Variants in CDH13 observed in about 807,000 individuals in gnomAD.
The protein encoded by CDH13 is cadherin-13.
In CDH13, 24 loss-of-function variants were observed where a neutral mutation model predicts 63.8. The ratio of observed to expected loss-of-function variants is 0.38; its 90% CI spans 0.27 to 0.53. The LOEUF is 0.53. CDH13 is among the 20% of genes least tolerant of loss of function. The probability of loss-of-function intolerance (pLI) is 0.85; values close to 1 mark genes in which losing one functional copy is unlikely to be tolerated. For missense variants in CDH13, 1,049 were observed against 903.1 expected (o/e 1.16, Z -2.07); for synonymous variants, 503 against 355.3 (o/e 1.42, Z -4.67).
At chr16:82,765,110 C>T (rs565385878) in intron 1 of CDH13, among the ~76,000 whole-genome samples, 1 of 152,320 alleles carries the variant, frequency 6.6e-6, no homozygotes, top group Admixed American at 6.5e-5. Flanking sequence ...TTAAATCATT[C>T]ATTTCTTTGT....
intron 3 of CDH13, among the ~76,000 whole-genome samples, chr16:83,074,682 T>C (rs1432806906): frequency 6.6e-6 from 1 of 152,234 alleles, no homozygotes; most frequent in Non-Finnish European, 1.5e-5. Flanking sequence ...AATGACTGAT[T>C]TCTATGAACA....
chr16:83,600,641 G>T (rs1213390795), intron 7 of CDH13, among the ~76,000 whole-genome samples: 1 of 152,086 alleles, frequency 6.6e-6, no homozygotes, highest in African/African-American at 2.4e-5. Context: ...AGCTGTTTTT[G>T]AAGCTGTCAT....
At chr16:82,974,119 A>G (rs533634016) in intron 2 of CDH13, among the ~76,000 whole-genome samples, 34 of 152,216 alleles carry the variant, frequency 2.2e-4, no homozygotes, top group African/African-American at 7.9e-4. Context: ...TTGTATTTTC[A>G]GTAGAGACAG....
chr16:83,711,108 G>A (rs112131484), intron 10 of CDH13, among the ~76,000 whole-genome samples: 1,597 of 152,262 alleles, frequency 0.01, 33 homozygotes, highest in African/African-American at 0.037. Context: ...AGTAGCCTGC[G>A]TGGACAACTA....
chr16:83,309,809 AT>A (rs60865903), intron 5 of CDH13, among the ~76,000 whole-genome samples: 3,623 of 144,336 alleles, frequency 0.025, 43 homozygotes, highest in Admixed American at 0.045. Flanking sequence ...CTCCCATGGG[AT>A]TTTTTTTTTT....
chr16:83,360,396 G>A (rs901907605), intron 6 of CDH13, among the ~76,000 whole-genome samples: 4 of 152,084 alleles, frequency 2.6e-5, no homozygotes, highest in African/African-American at 9.7e-5. Context: ...AAGAAATAGA[G>A]CCTTCTACAA....
chr16:83,355,991 G>A (rs1249264110), intron 6 of CDH13, among the ~76,000 whole-genome samples: 1 of 152,160 alleles, frequency 6.6e-6, no homozygotes. Flanking sequence ...GGGAGGTTAG[G>A]TGACTCCGCC....
chr16:83,174,513 C>G (rs927205257), intron 4 of CDH13, among the ~76,000 whole-genome samples: 5 of 151,974 alleles, frequency 3.3e-5, no homozygotes, highest in African/African-American at 4.8e-5. Flanking sequence ...CACTTCATGA[C>G]CATAAAGAGG....
At chr16:82,761,438 C>T (rs995480431) in intron 1 of CDH13, among the ~76,000 whole-genome samples, 1 of 152,194 alleles carries the variant, frequency 6.6e-6, no homozygotes, top group Non-Finnish European at 1.5e-5. Flanking sequence ...TGTGGGGCAG[C>T]CAGCCAACTT....
rs573009018 is a variant in CDH13 at position 83,139,694 on chromosome 16, A to G, written c.483+14193A>G. Among the ~76,000 whole-genome samples the G allele has an allele frequency of 3.1e-4, 47 of 152,280 alleles. 1 individual carries two copies. In the Middle Eastern group the frequency reaches 0.01, roughly 33 times the overall value. ...GTAGAAATTTTAGAGAAAAATACAC[A>G]TTGAAAAATAATAATATAAAAATAT... On this transcript the variant is annotated intron_variant, in intron 4 of 13. Coordinates refer to ENST00000567109, the MANE Select transcript of CDH13 (RefSeq NM_001257.5).
intron 3 of CDH13, among the ~76,000 whole-genome samples, chr16:83,060,139 C>G (rs567568213): frequency 2.0e-5 from 3 of 152,052 alleles, no homozygotes; most frequent in Non-Finnish European, 4.4e-5. Flanking sequence ...TTCAAAAATT[C>G]CCAACTCCTC....
intron 1 of CDH13, among the ~76,000 whole-genome samples, chr16:82,676,486 C>CTTTTTTTTTTTTTTTTTTTTTTTTTTTTT (rs11330492): frequency 2.1e-5 from 2 of 96,370 alleles, no homozygotes; most frequent in Non-Finnish European, 2.0e-5. Flanking sequence ...ACCATCATTT[C>CTTTTTTTTTTTTTTTTTTTTTTTTTTTTT]TTTTTTTTTT....
intron 4 of CDH13, among the ~76,000 whole-genome samples, chr16:83,178,381 G>C (rs1225678807): frequency 6.6e-6 from 1 of 152,178 alleles, no homozygotes; most frequent in Non-Finnish European, 1.5e-5. Context: ...CACTGATTTA[G>C]ATCCTGTCTG....
intron 1 of CDH13, among the ~76,000 whole-genome samples, chr16:82,747,522 G>C (rs926613328): frequency 1.3e-5 from 2 of 152,152 alleles, no homozygotes; most frequent in Non-Finnish European, 2.9e-5. Context: ...TGCATTACCT[G>C]AGAACTTATT....
At chr16:82,794,210 G>T (rs539015585) in intron 1 of CDH13, among the ~76,000 whole-genome samples, 2 of 148,032 alleles carry the variant, frequency 1.4e-5, no homozygotes, top group Non-Finnish European at 3.0e-5. Context: ...ATCAGCTGTC[G>T]TTAGTGTTAT....
At chr16:83,592,360 C>G (rs374451077) in intron 7 of CDH13, among the ~76,000 whole-genome samples, 3 of 152,174 alleles carry the variant, frequency 2.0e-5, no homozygotes, top group Non-Finnish European at 4.4e-5. Flanking sequence ...CTCTCTGGAC[C>G]AGAAATGCAC....
At chr16:82,780,504 A>G (rs900927650) in intron 1 of CDH13, among the ~76,000 whole-genome samples, 1 of 152,222 alleles carries the variant, frequency 6.6e-6, no homozygotes, top group African/African-American at 2.4e-5. Flanking sequence ...CCAAGTTGAC[A>G]TATTAGTAAA....
intron 2 of CDH13, among the ~76,000 whole-genome samples, chr16:82,871,525 A>G (rs1024181457): frequency 1.3e-5 from 2 of 152,220 alleles, no homozygotes; most frequent in African/African-American, 4.8e-5. Context: ...AAAGAGAAGC[A>G]GAATCACTGG....
chr16:83,743,294 T>C (rs1912232697), intron 10 of CDH13, among the ~76,000 whole-genome samples: 1 of 152,184 alleles, frequency 6.6e-6, no homozygotes, highest in Admixed American at 6.5e-5. Context: ...GGATACTTGA[T>C]TATTTTTTTA....
Sources: allele counts gnomAD v4.1 joint callset (sites outside exome capture counted in the v4.1 genomes callset), GRCh38; gene constraint gnomAD v4.1.1; transcripts MANE v1.5; gene names NCBI Gene and HGNC (gene_info 2026-07-23, HGNC 2026-07-21).